GTF2B: variants seen among roughly 807,000 people sequenced by gnomAD.
The protein encoded by GTF2B is general transcription factor IIB.
Under a neutral mutation model 34.6 loss-of-function variants are expected in GTF2B, and 20 were observed. The ratio of observed to expected loss-of-function variants is 0.58; its 90% CI spans 0.41 to 0.84. The LOEUF is 0.84. Among genes scored for constraint, GTF2B ranks in the 40% least tolerant of loss-of-function variants. The pLI, the probability that GTF2B is intolerant of heterozygous loss-of-function variation, is 0.00. For synonymous variants in GTF2B, 142 were observed against 132.4 expected, an observed-to-expected ratio of 1.07 and a Z score of -0.50; for missense variants, 237 against 393.3, an observed-to-expected ratio of 0.60 and a Z score of 3.36.
intron 2 of GTF2B, among the ~76,000 whole-genome samples, chr1:88,884,493 A>C (rs568240021): frequency 1.3e-5 from 2 of 152,340 alleles, no homozygotes; most frequent in South Asian, 4.1e-4. Context: ...GTGAGATGCT[A>C]ACAGTCTTAA....
chr1:88,870,038 C>T (rs995267400), intron 2 of GTF2B, among the ~76,000 whole-genome samples: 2 of 152,084 alleles, frequency 1.3e-5, no homozygotes, highest in African/African-American at 4.8e-5. Flanking sequence ...CGCCCTTCTC[C>T]TGCCTCAGCC....
At chr1:88,860,053 T>C (rs764737289) in intron 4 of GTF2B, 42 bp from the exon 5 acceptor site, 1 of 1,610,912 alleles carries the variant, frequency 6.2e-7, no homozygotes, top group Non-Finnish European at 8.5e-7. Flanking sequence ...CGTCATTTAA[T>C]TAGCTGCAAT....
Position 88,862,976 on chromosome 1 carries a change from AG to A in GTF2B, c.258+1004del, listed in dbSNP as rs1173269518. 5.8e-4 allele frequency among the ~76,000 whole-genome samples: 88 copies of A among 152,022 alleles called. 1 individual carries two copies. The highest frequency in any genetic ancestry group is 1.9e-3 in the African/African-American group (79 of 41,508). ...AGACTTTTTTGGAAAAAAAAAAAAA[AG>A]AGACTATGCAATAGTATACATGAAG... On this transcript the variant is annotated intron_variant, in intron 3 of 6. Transcript: ENST00000370500.
intron 2 of GTF2B, among the ~76,000 whole-genome samples, chr1:88,885,622 T>C (rs1674049329): frequency 6.7e-6 from 1 of 150,046 alleles, no homozygotes. Context: ...TGGTGGCACA[T>C]GCCTGTAATC....
intron 1 of GTF2B, 25 bp downstream of exon 1, chr1:88,891,458 G>T: frequency 1.9e-6 from 3 of 1,593,582 alleles, no homozygotes; most frequent in East Asian, 2.3e-5. Context: ...CCCTCAGCTC[G>T]CCGGGCTCGG....
intron 2 of GTF2B, among the ~76,000 whole-genome samples, chr1:88,866,198 C>CA (rs1467297562): frequency 1.3e-5 from 2 of 151,310 alleles, no homozygotes; most frequent in Admixed American, 6.6e-5. Context: ...CCTGTCTCTA[C>CA]AAAAAAATAC....
chr1:88,859,834 T>TCAAACAAA (rs376654402), intron 5 of GTF2B, 48 bp downstream of exon 5: 1 of 1,571,238 alleles, frequency 6.4e-7, no homozygotes, highest in Admixed American at 1.7e-5. Context: ...AGACCCTATC[T>TCAAACAAA]CAAACAAACA....
intron 2 of GTF2B, among the ~76,000 whole-genome samples, chr1:88,868,774 C>T (rs1438498932): frequency 2.0e-5 from 3 of 151,450 alleles, no homozygotes; most frequent in Non-Finnish European, 2.9e-5. Context: ...CTCGCTCTGT[C>T]GCCCAGGCTA....
intron 2 of GTF2B, among the ~76,000 whole-genome samples, chr1:88,881,028 G>C (rs1449541737): frequency 9.2e-6 from 1 of 109,058 alleles, no homozygotes; most frequent in African/African-American, 4.1e-5. Flanking sequence ...AAAAAAAAAA[G>C]AACTAGTAAG....
At chr1:88,864,207 G>A in intron 2 of GTF2B, 93 bp from the exon 3 acceptor site, 3 of 1,153,748 alleles carry the variant, frequency 2.6e-6, no homozygotes, top group Non-Finnish European at 3.9e-6. Flanking sequence ...TTTATTCCCA[G>A]GAAATCTCAA....
At chr1:88,881,852 G>A (rs997533145) in intron 2 of GTF2B, among the ~76,000 whole-genome samples, 8 of 152,078 alleles carry the variant, frequency 5.3e-5, no homozygotes, top group African/African-American at 1.9e-4. Flanking sequence ...GTTTGATATA[G>A]CAGAAAAGTA....
chr1:88,871,922 A>G lies in GTF2B; in HGVS notation c.125-7808T>C, dbSNP rs1673702000. On this transcript the variant is annotated intron_variant, in intron 2 of 6. Coordinates refer to ENST00000370500, the MANE Select transcript of GTF2B (RefSeq NM_001514.6). ...AATTTTTTGTATTTTTAGTAGAGACAGGGTTTCACCACGTTGGCCAGGCTG... is the reference window on the plus strand; with the variant it reads ...AATTTTTTGTATTTTTAGTAGAGACGGGGTTTCACCACGTTGGCCAGGCTG... 3.3e-5 allele frequency among the ~76,000 whole-genome samples: 5 copies of G among 151,814 alleles called. No individual in the cohort carries two copies. In the South Asian group the frequency reaches 8.4e-4, roughly 25 times the overall value.
chr1:88,876,605 TGA>T (rs1465724831), intron 2 of GTF2B, among the ~76,000 whole-genome samples: 1 of 152,146 alleles, frequency 6.6e-6, no homozygotes, highest in Non-Finnish European at 1.5e-5. Context: ...TACCTGAGCC[TGA>T]GAGGTCAAGG....
chr1:88,891,419 GC>G, intron 1 of GTF2B, 63 bp downstream of exon 1: 1 of 1,367,630 alleles, frequency 7.3e-7, no homozygotes. Flanking sequence ...CCCGGAGGCC[GC>G]CTAAAAGCCG....
At chr1:88,867,788 T>C (rs941905942) in intron 2 of GTF2B, among the ~76,000 whole-genome samples, 2 of 152,052 alleles carry the variant, frequency 1.3e-5, no homozygotes, top group Non-Finnish European at 2.9e-5. Context: ...AAAGACAAGA[T>C]GGATTTTTTA....
intron 6 of GTF2B, among the ~76,000 whole-genome samples, chr1:88,853,906 C>G (rs1487021099): frequency 1.3e-5 from 2 of 152,036 alleles, no homozygotes; most frequent in African/African-American, 2.4e-5. Context: ...AAGTCAGTAA[C>G]AAGCAACAAT....
intron 2 of GTF2B, among the ~76,000 whole-genome samples, chr1:88,864,976 A>G (rs1673516154): frequency 6.6e-6 from 1 of 152,200 alleles, no homozygotes; most frequent in Non-Finnish European, 1.5e-5. Flanking sequence ...TTTGTTCTAC[A>G]CTCCAATTGT....
chr1:88,867,527 C>G (rs1673589062), intron 2 of GTF2B, among the ~76,000 whole-genome samples: 1 of 150,982 alleles, frequency 6.6e-6, no homozygotes, highest in Non-Finnish European at 1.5e-5. Context: ...CCTTCAAACC[C>G]AGAGTTACTA....
intron 2 of GTF2B, among the ~76,000 whole-genome samples, chr1:88,876,984 GAAGACATGGAAAATAT>G (rs1673831808): frequency 6.6e-6 from 1 of 152,150 alleles, no homozygotes; most frequent in Non-Finnish European, 1.5e-5. Flanking sequence ...GTGTAGGTGT[GAAGACATGGAAAATAT>G]GAAGATAAAA....
Sources: gnomAD v4.1 joint callset for allele counts (sites outside exome capture counted in the v4.1 genomes callset) on GRCh38, gnomAD v4.1.1 for gene constraint, MANE v1.5 for transcripts, NCBI Gene and HGNC (gene_info 2026-07-23, HGNC 2026-07-21) for gene names.